NCAPH2: variants seen among roughly 807,000 people sequenced by gnomAD.
NCAPH2 encodes the protein condensin-2 complex subunit H2.
Under a neutral mutation model 88.6 loss-of-function variants are expected in NCAPH2, and 56 were observed. The ratio of observed to expected loss-of-function variants is 0.63; its 90% CI spans 0.51 to 0.79. NCAPH2 has a LOEUF of 0.79. NCAPH2 is among the 30% of genes least tolerant of loss of function. The pLI is 0.00. For missense variants in NCAPH2, 794 were observed against 792.0 expected, an observed-to-expected ratio of 1.00 and a Z score of -0.03; for synonymous variants, 378 against 313.6, an observed-to-expected ratio of 1.21 and a Z score of -2.17.
rs200354211 is a variant in NCAPH2, at chr22:50,523,868, G to A, written c.*493G>A. 6 of 1,613,974 alleles carry A rather than the reference G, an allele frequency of 3.7e-6. No individual in the cohort carries two copies. The East Asian group carries it at 1.3e-4, about 36-fold the overall frequency. On this transcript the variant is annotated 3_prime_UTR_variant, in exon 20 of 20. Coordinates refer to ENST00000420993, the MANE Select transcript of NCAPH2 (RefSeq NM_152299.4). The stretch of plus-strand genomic sequence containing the variant: ...CCCAACAGTCTTGGGTGGAAGTCCT[G>A]GACGTAGCGGGCCATGGCTTCAACG...
intron 1 of NCAPH2, among the ~76,000 whole-genome samples, chr22:50,509,971 C>T (rs551533989): frequency 3.3e-5 from 5 of 152,236 alleles, no homozygotes; most frequent in East Asian, 1.9e-4. Context: ...CACTCTGAGA[C>T]GGAAGTGCAG....
In NCAPH2 at chr22:50,517,454, C is replaced by A; in HGVS notation, c.238C>A (p.Gln80Lys). ...GGAATACCTCTACTCACTCGTCTAC[C>A]AGGCCCTTGATTTCATCTCTGGAAA... is the stretch of plus-strand genomic sequence containing the variant. ...KVEYLYSLVY[Q>K]ALDFISGKRR... The change falls in exon 3 of 20, where the codon CAG becomes AAG. Residue 80 changes from glutamine (Q) to lysine (K), a missense_variant. Gln to Lys is a moderately conservative substitution (Grantham distance 53, BLOSUM62 1). Coordinates refer to ENST00000420993, the MANE Select transcript of NCAPH2 (RefSeq NM_152299.4). 1 of 1,614,068 alleles carries A rather than the reference C, an allele frequency of 6.2e-7. No homozygotes were observed.
chr22:50,508,469 C>CGGG, intron 1 of NCAPH2, 24 bp downstream of exon 1: 3 of 145,224 alleles, frequency 2.1e-5, no homozygotes, highest in Admixed American at 3.1e-4. Context: ...GGGAGTGACG[C>CGGG]GGGGTGGGCC....
At position 50,517,619 on chromosome 22, in the gene NCAPH2, T is replaced by C. The variant is rs750830683; in HGVS notation, c.309T>C (p.Asn103=). ...CTTCGGTGCAGGAGGACAGGGCCAA[T>C]GGGGTTGCCAGCTCCGGGGTCCCCC... The part of the protein sequence containing the change: ...QLSSVQEDRA[N]GVASSGVPQE... The change falls in exon 4 of 20, where the codon AAT becomes AAC. Residue 103 remains asparagine (N), a synonymous_variant. Coordinates refer to ENST00000420993, the MANE Select transcript of NCAPH2 (RefSeq NM_152299.4). 30 of 1,613,960 alleles carry C rather than the reference T, an allele frequency of 1.9e-5. No individual in the cohort carries two copies. Among genetic ancestry groups the C allele is most frequent in the Non-Finnish European group, 2.5e-5 (30 of 1,180,022 alleles).
At position 50,517,422 on chromosome 22, in the gene NCAPH2, A is replaced by C. The variant is rs753094280; in HGVS notation, c.211-5A>C. 37 of 1,613,850 alleles carry C rather than the reference A, an allele frequency of 2.3e-5. No homozygotes were observed. In the South Asian group the frequency reaches 3.7e-4, roughly 16 times the overall value. On this transcript the variant is annotated splice_region_variant and splice_polypyrimidine_tract_variant and intron_variant, in intron 2 of 19. Transcript: ENST00000420993. The stretch of plus-strand genomic sequence containing the variant: ...GGGTCCTCACTGCCTGCATCTGGTC[A>C]CCAGGTGGAATACCTCTACTCACTC...
At chr22:50,508,495 G>A in intron 1 of NCAPH2, 50 bp downstream of exon 1, 1 of 1,093,332 alleles carries the variant, frequency 9.1e-7, no homozygotes, top group African/African-American at 1.7e-5. Flanking sequence ...GTGGGGCTGC[G>A]GGGCGGGGGC....
rs1468117487 is a variant in NCAPH2 at position 50,519,453 on chromosome 22, A to T, written c.861+133A>T. 9 of 1,457,498 alleles carry T rather than the reference A, an allele frequency of 6.2e-6. No homozygotes were observed. The East Asian group carries it at 1.0e-4, about 16-fold the overall frequency. The allele number at this position is 1,457,498 out of a possible 1,614,324, so 90.3% of individuals were successfully genotyped here. A position where few individuals can be genotyped will look rare whatever the true frequency, so the allele number is the denominator to read the frequency against. On this transcript the variant is annotated intron_variant, in intron 9 of 19. Transcript: ENST00000420993. ...GACCACTGGTCTGGGGCAGAAGCCC[A>T]CCTGTCTTGCAGCCCGTCCTGCAAC...
rs1036692820 is a variant in NCAPH2 at position 50,517,603 on chromosome 22, A to G, written c.293A>G (p.Gln98Arg). The G allele has an allele frequency of 6.2e-7, 1 of 1,614,120 alleles. No individual in the cohort carries two copies. Among genetic ancestry groups the G allele is most frequent in the Admixed American group, 1.7e-5 (1 of 60,030 alleles). The change falls in exon 4 of 20, where the codon CAG becomes CGG. Residue 98 changes from glutamine (Q) to arginine (R), a missense_variant. Coordinates refer to ENST00000420993, the MANE Select transcript of NCAPH2 (RefSeq NM_152299.4). ...KRRAKQLSSV[Q>R]EDRANGVASS... is the part of the protein sequence containing the mutation. Reference sequence around the variant, plus strand: ...CGGGCCAAGCAGCTCTCTTCGGTGCAGGAGGACAGGGCCAATGGGGTTGCC... The same window carrying G: ...CGGGCCAAGCAGCTCTCTTCGGTGCGGGAGGACAGGGCCAATGGGGTTGCC...
chr22:50,519,388 C>A, intron 9 of NCAPH2, 68 bp downstream of exon 9: 2 of 1,590,486 alleles, frequency 1.3e-6, no homozygotes, highest in South Asian at 1.1e-5. Context: ...GGGGCCGAGT[C>A]ACCTTGCACA....
At position 50,523,115 on chromosome 22, in the gene NCAPH2, T is replaced by C. The variant is rs765092297; in HGVS notation, c.1626T>C (p.Ala542=). The change falls in exon 19 of 20, where the codon GCT becomes GCC. Residue 542 remains alanine, a synonymous_variant. Transcript: ENST00000420993. ...GGTGTCCCTTTGCGGAGCTGGTGGC[T>C]GGCCAGCCGGCCTTCGAGGTGTGTC... The part of the protein sequence containing the change: ...NEWCPFAELV[A]GQPAFEVCRS... The C allele has an allele frequency of 2.5e-6, 4 of 1,613,540 alleles. No individual in the cohort carries two copies. Among genetic ancestry groups the C allele is most frequent in the East Asian group, 2.2e-5 (1 of 44,866 alleles).
In NCAPH2 at chr22:50,522,414, A is replaced by G. The variant is rs1396017105; in HGVS notation, c.1305A>G (p.Ala435=). The G allele has an allele frequency of 3.1e-6, 5 of 1,610,908 alleles. No homozygotes were observed. In the East Asian group the frequency reaches 1.1e-4, roughly 36 times the overall value. The change falls in exon 15 of 20, where the codon GCA becomes GCG. Residue 435 remains alanine, a splice_region_variant and synonymous_variant. Transcript: ENST00000420993. ...LEDSLEDLGA[A]DDFLEPEEYM... ...ATTCCCTGGAAGACCTGGGGGCAGC[A>G]GGTGGGTGCCTGCCAGGGGGTGGGG...
chr22:50,515,677 T>C (rs1603440856), intron 1 of NCAPH2: 2 of 1,266,176 alleles, frequency 1.6e-6, no homozygotes, highest in Non-Finnish European at 2.0e-6. Context: ...ATTACAGGTG[T>C]GAGCCACCGC....
chr22:50,519,172 C>T lies in NCAPH2; in HGVS notation c.731-18C>T, dbSNP rs778548681. The T allele has an allele frequency of 1.9e-6, 3 of 1,596,840 alleles. No individual in the cohort carries two copies. The highest frequency in any genetic ancestry group is 3.5e-5 in the Admixed American group (2 of 57,084). On this transcript the variant is annotated intron_variant, in intron 8 of 19. Transcript: ENST00000420993. ...TCGGCACTCCTTGGAGCTGATCACT[C>T]TCTTGCTCCCTGCCTAGGCCCCTCT...
chr22:50,519,089 C>T, intron 8 of NCAPH2, 101 bp from the exon 9 acceptor site: 1 of 1,187,072 alleles, frequency 8.4e-7, no homozygotes, highest in Non-Finnish European at 1.2e-6. Flanking sequence ...CCTCTGGGCT[C>T]CGTGACTAAA....
chr22:50,516,633 C>A, intron 2 of NCAPH2, 85 bp downstream of exon 2: 1 of 1,266,648 alleles, frequency 7.9e-7, no homozygotes. Context: ...GTGCAGTGGT[C>A]GTCCCGTCTG....
intron 1 of NCAPH2, among the ~76,000 whole-genome samples, chr22:50,509,638 C>T (rs1381170091): frequency 1.3e-5 from 2 of 152,106 alleles, no homozygotes; most frequent in African/African-American, 4.8e-5. Flanking sequence ...TGTTTTTGTC[C>T]CGTCCAATTC....
In NCAPH2 at chr22:50,523,314, C is replaced by T. The variant is rs752146981; in HGVS notation, c.1757C>T (p.Thr586Met). The change falls in exon 20 of 20, where the codon ACG becomes ATG. Residue 586 changes from threonine to methionine, a missense_variant. Thr to Met is a moderately conservative substitution (Grantham distance 81, BLOSUM62 -1). Around this residue, in one of 2 missense-constraint regions of NCAPH2, gnomAD observed 735 missense variants for 696.3 expected, o/e 1.06. Transcript: ENST00000420993. ...AVDTMSLRLL[T>M]HQRAHKRFQT... is the part of the protein sequence containing the mutation. ...GACACCATGTCCCTGAGACTGCTCA[C>T]GCACCAGCGAGCGCACAAGCGCTTC... 60 of 1,590,332 alleles carry T rather than the reference C, an allele frequency of 3.8e-5. No homozygotes were observed. The highest frequency in any genetic ancestry group is 4.8e-5 in the Non-Finnish European group (56 of 1,168,416).
intron 9 of NCAPH2, chr22:50,519,661 A>G: frequency 2.6e-6 from 3 of 1,142,940 alleles, no homozygotes; most frequent in Non-Finnish European, 3.2e-6. Context: ...TCTGGAGGCC[A>G]TTGCTGCCTC....
At chr22:50,519,673 C>A in intron 9 of NCAPH2, 1 of 1,127,818 alleles carries the variant, frequency 8.9e-7, no homozygotes, top group Non-Finnish European at 1.1e-6. Context: ...TGCTGCCTCC[C>A]TCAACCCCCG....
Sources: gnomAD v4.1 joint callset for allele counts (sites outside exome capture counted in the v4.1 genomes callset) on GRCh38, gnomAD v4.1.1 for gene constraint, gnomAD v4.1.1 regional missense constraint, MANE v1.5 for transcripts, NCBI Gene and HGNC (gene_info 2026-07-23, HGNC 2026-07-21) for gene names.